Variants in NPFFR1 observed in about 807,000 individuals in gnomAD.
NPFFR1 encodes the protein G-protein coupled receptor 147.
In NPFFR1, 17 loss-of-function variants were observed where a neutral mutation model predicts 12.7. The ratio of observed to expected loss-of-function variants is 1.34; its 90% CI spans 0.92 to 2.01. The LOEUF is 2.01. Ranked by LOEUF, NPFFR1 falls within the 30% of genes most tolerant of loss-of-function variation. The probability of loss-of-function intolerance (pLI) is 0.00; values close to 1 mark genes in which losing one functional copy is unlikely to be tolerated. For synonymous variants in NPFFR1, 296 were observed against 264.5 expected, an observed-to-expected ratio of 1.12 and a Z score of -1.16; for missense variants, 604 against 606.5, an observed-to-expected ratio of 1.00 and a Z score of 0.04.
rs74624736 is a variant in NPFFR1 at position 70,254,293 on chromosome 10, C to T, written c.*664G>A. ...TCCCCAAGGCTCGTTCTGAAGCTGC[C>T]GTCCTCTGAGGACAATGGCTTCTTG... is the stretch of plus-strand genomic sequence containing the variant. On this transcript the variant is annotated 3_prime_UTR_variant, in exon 4 of 4. Transcript: ENST00000277942. 8,941 of 152,280 alleles carry T rather than the reference C, an allele frequency of 0.059. 415 individuals carry two copies. Among genetic ancestry groups the T allele is most frequent in the African/African-American group, 0.13 (5,579 of 41,516 alleles). 9.4% of individuals were successfully genotyped at this position (152,280 alleles called of 1,614,324 possible). A position where few individuals can be genotyped will look rare whatever the true frequency, so the allele number is the denominator to read the frequency against.
chr10:70,251,354 C>G lies in NPFFR1; in HGVS notation c.*3603G>C, dbSNP rs1211088501. On this transcript the variant is annotated 3_prime_UTR_variant, in exon 4 of 4. Transcript: ENST00000277942. The stretch of plus-strand genomic sequence containing the variant: ...CTTCGCCCTCCATTCCAATGCAGAT[C>G]AGCTCATGAGTCCTCCAGGCCCCAA... The G allele has an allele frequency of 6.6e-6, 1 of 152,478 alleles. No homozygotes were observed. Among genetic ancestry groups the G allele is most frequent in the Non-Finnish European group, 1.5e-5 (1 of 68,212 alleles). The allele number at this position is 152,478 out of a possible 1,614,324, so 9.4% of individuals were successfully genotyped here.
Position 70,252,180 on chromosome 10 carries a change from T to C in NPFFR1, c.*2777A>G, listed in dbSNP as rs1251174675. 1 of 152,182 alleles carries C rather than the reference T, an allele frequency of 6.6e-6. No homozygotes were observed. Among genetic ancestry groups the C allele is most frequent in the Non-Finnish European group, 1.5e-5 (1 of 68,042 alleles). 9.4% of individuals were successfully genotyped at this position (152,182 alleles called of 1,614,324 possible). A position where few individuals can be genotyped will look rare whatever the true frequency, so the allele number is the denominator to read the frequency against. On this transcript the variant is annotated 3_prime_UTR_variant, in exon 4 of 4. Transcript: ENST00000277942. ...AACAAAATGAGGACTATCTAGACAA[T>C]GGGATATTATTCAGCTTTTAAAATG...
intron 1 of NPFFR1, among the ~76,000 whole-genome samples, chr10:70,279,782 A>G (rs1185240997): frequency 2.0e-5 from 3 of 152,290 alleles, no homozygotes; most frequent in East Asian, 3.9e-4. Flanking sequence ...TTTGAAATGT[A>G]CAATACTCTA....
At chr10:70,268,057 A>G (rs1840714516) in intron 1 of NPFFR1, among the ~76,000 whole-genome samples, 1 of 152,222 alleles carries the variant, frequency 6.6e-6, no homozygotes, top group Non-Finnish European at 1.5e-5. Context: ...CATATACAAG[A>G]GTATAAAGTT....
intron 1 of NPFFR1, among the ~76,000 whole-genome samples, chr10:70,271,380 G>A (rs1278326068): frequency 6.6e-6 from 1 of 152,158 alleles, no homozygotes; most frequent in African/African-American, 2.4e-5. Flanking sequence ...AGATGTGGTG[G>A]TGCGTGCCTG....
Position 70,248,490 on chromosome 10 carries a change from T to TTTTTTTTTTTTTTTG in NPFFR1, c.*6466_*6467insCAAAAAAAAAAAAAA. On this transcript the variant is annotated 3_prime_UTR_variant, in exon 4 of 4. Coordinates refer to ENST00000277942, the MANE Select transcript of NPFFR1 (RefSeq NM_022146.5). The stretch of plus-strand genomic sequence containing the variant: ...GCGTTTTTTTTTTGTTTTTTGTTTT[T>TTTTTTTTTTTTTTTG]TTTTTTTTTTTTTGAGATGGAGTCT... 8.5e-6 allele frequency: 1 copy of TTTTTTTTTTTTTTTG among 117,206 alleles called. No individual in the cohort carries two copies. The highest frequency in any genetic ancestry group is 3.1e-4 in the South Asian group (1 of 3,216). The allele number at this position is 117,206 out of a possible 1,614,324, so 7.3% of individuals were successfully genotyped here.
At chr10:70,265,652 C>T (rs988705639) in intron 2 of NPFFR1, among the ~76,000 whole-genome samples, 4 of 152,190 alleles carry the variant, frequency 2.6e-5, no homozygotes, top group African/African-American at 7.2e-5. Flanking sequence ...ATGCGAGCTC[C>T]GTGAGAGAGT....
rs551803311 is a variant in NPFFR1 at position 70,255,893 on chromosome 10, G to T, written c.423-66C>A. On this transcript the variant is annotated intron_variant, in intron 3 of 3. Coordinates refer to ENST00000277942, the MANE Select transcript of NPFFR1 (RefSeq NM_022146.5). This position sits in a 1 kb window ranked among gnomAD's most constrained non-coding sequence, Gnocchi z 4.2. Reference sequence around the variant, plus strand: ...TAGGGCCCCTGCGAGGGGACGGTGGGTGGGATGCGGGCACCTGACCTTCAT... The same window carrying T: ...TAGGGCCCCTGCGAGGGGACGGTGGTTGGGATGCGGGCACCTGACCTTCAT... The T allele has an allele frequency of 3.3e-6, 5 of 1,495,218 alleles. No individual in the cohort carries two copies. The highest frequency in any genetic ancestry group is 4.5e-6 in the Non-Finnish European group (5 of 1,110,370). The allele number at this position is 1,495,218 out of a possible 1,614,324, so 92.6% of individuals were successfully genotyped here.
chr10:70,278,037 C>T, intron 1 of NPFFR1: 1 of 512,044 alleles, frequency 2.0e-6, no homozygotes, highest in South Asian at 1.4e-5. Flanking sequence ...ACCTGTCAGC[C>T]TCCACTTGCT....
intron 1 of NPFFR1, among the ~76,000 whole-genome samples, chr10:70,276,419 C>A (rs1840804974): frequency 2.6e-5 from 4 of 152,126 alleles, no homozygotes; most frequent in Admixed American, 2.6e-4. Context: ...GAGGAAATGA[C>A]TCATAACAAA....
chr10:70,267,196 GA>G (rs1840703020), intron 1 of NPFFR1, among the ~76,000 whole-genome samples: 1 of 152,174 alleles, frequency 6.6e-6, no homozygotes, highest in South Asian at 2.1e-4. Context: ...GAGAAAGGGA[GA>G]ATGAAGGGGA....
At chr10:70,263,326 T>C (rs1470310589) in intron 2 of NPFFR1, among the ~76,000 whole-genome samples, 1 of 152,072 alleles carries the variant, frequency 6.6e-6, no homozygotes, top group Non-Finnish European at 1.5e-5. Context: ...CAGGCTGGAG[T>C]GCAGTGGCGT....
rs1323640649 is a variant in NPFFR1, at chr10:70,248,928, C to T, written c.*6029G>A. The T allele has an allele frequency of 6.6e-6, 1 of 152,234 alleles. No homozygotes were observed. Among genetic ancestry groups the T allele is most frequent in the Non-Finnish European group, 1.5e-5 (1 of 68,078 alleles). The allele number at this position is 152,234 out of a possible 1,614,324, so 9.4% of individuals were successfully genotyped here. ...CCTTAGAACCTGTGTACATGATGCT[C>T]TCTCTGTCTGGGTTTGTTTCTTCCC... On this transcript the variant is annotated 3_prime_UTR_variant, in exon 4 of 4. Coordinates refer to ENST00000277942, the MANE Select transcript of NPFFR1 (RefSeq NM_022146.5).
Position 70,255,803 on chromosome 10 carries a change from G to A in NPFFR1, c.447C>T (p.Phe149=). Residue 149 remains phenylalanine, a synonymous_variant, in exon 4 of 4, where the codon TTC becomes TTT. Transcript: ENST00000277942. This position sits in a 1 kb window ranked among gnomAD's most constrained non-coding sequence, Gnocchi z 4.2. ...CCTTCCGCAGGGTCAGCTTCTCGCG[G>A]AAAGGGTGCACGATGCAGCGGAACC... ...VERFRCIVHP[F]REKLTLRKAL... is the part of the protein sequence containing the mutation. The A allele has an allele frequency of 6.2e-7, 1 of 1,610,126 alleles. No individual in the cohort carries two copies. Among genetic ancestry groups the A allele is most frequent in the Non-Finnish European group, 8.5e-7 (1 of 1,178,358 alleles).
At chr10:70,260,507 G>T (rs1165712929) in intron 3 of NPFFR1, 133 bp downstream of exon 3, 3 of 798,898 alleles carry the variant, frequency 3.8e-6, no homozygotes, top group Admixed American at 4.3e-5. Context: ...CCTTCTCCTT[G>T]TGGCTCAGGA....
intron 2 of NPFFR1, 142 bp downstream of exon 2, chr10:70,265,935 G>A (rs1840684414): frequency 2.8e-6 from 2 of 701,986 alleles, no homozygotes; most frequent in Non-Finnish European, 4.9e-6. Context: ...CCCCAAGACT[G>A]TCTTGAGAGT....
Position 70,283,905 on chromosome 10 carries a change from C to T in NPFFR1, c.-229G>A, listed in dbSNP as rs1218001246. The stretch of plus-strand genomic sequence containing the variant: ...CTCGGGCTGACTGGCTCCCGCGCAG[C>T]GCTGCTGCCCGCAGGGCTCAGCCGC... On this transcript the variant is annotated 5_prime_UTR_variant, in exon 1 of 4. Coordinates refer to ENST00000277942, the MANE Select transcript of NPFFR1 (RefSeq NM_022146.5). 1.3e-5 allele frequency among the ~76,000 whole-genome samples: 2 copies of T among 152,158 alleles called. No homozygotes were observed. The highest frequency in any genetic ancestry group is 4.8e-5 in the African/African-American group (2 of 41,458).
intron 3 of NPFFR1, among the ~76,000 whole-genome samples, chr10:70,260,108 A>G (rs929592260): frequency 1.3e-5 from 2 of 152,226 alleles, no homozygotes; most frequent in Non-Finnish European, 2.9e-5. Context: ...CTTTGGCCAC[A>G]TGATAGATTT....
At position 70,255,768 on chromosome 10, in the gene NPFFR1, G is replaced by A; in HGVS notation, c.482C>T (p.Thr161Ile). 6.2e-7 allele frequency: 1 copy of A among 1,611,754 alleles called. No individual in the cohort carries two copies. Among genetic ancestry groups the A allele is most frequent in the Non-Finnish European group, 8.5e-7 (1 of 1,179,118 alleles). The part of the protein sequence containing the change: ...EKLTLRKALV[T>I]IAVIWALALL... ...CGCCAGGGCCCAGATGACGGCGATG[G>A]TGACGAGCGCCTTCCGCAGGGTCAG... The change falls in exon 4 of 4, where the codon ACC (threonine) becomes ATC (isoleucine). Residue 161 changes from threonine (T) to isoleucine (I), a missense_variant. Physicochemically the swap from Thr to Ile is moderately conservative, Grantham distance 89. Transcript: ENST00000277942. This position sits in a 1 kb window ranked among gnomAD's most constrained non-coding sequence, Gnocchi z 4.2.
Sources: allele counts gnomAD v4.1 joint callset (sites outside exome capture counted in the v4.1 genomes callset), GRCh38; gene constraint gnomAD v4.1.1; non-coding constraint Gnocchi (gnomAD v3.1); transcripts MANE v1.5; gene names NCBI Gene and HGNC (gene_info 2026-07-23, HGNC 2026-07-21).